Variants in CTNNA3 observed in about 807,000 individuals in gnomAD.
CTNNA3 encodes catenin alpha 3, also known as catenin alpha-3.
Under a neutral mutation model 95.7 loss-of-function variants are expected in CTNNA3, and 76 were observed. The ratio of observed to expected loss-of-function variants is 0.79; its 90% CI spans 0.66 to 0.96. The LOEUF (loss-of-function observed/expected upper bound fraction) is 0.96. Among genes scored for constraint, CTNNA3 ranks in the 40% least tolerant of loss-of-function variants. CTNNA3 has a pLI of 0.00. For synonymous variants in CTNNA3, 431 were observed against 374.4 expected (o/e 1.15, Z -1.74); for missense variants, 1,191 against 1,089.8 (o/e 1.09, Z -1.31).
chr10:67,497,842 C>T (rs924984768), intron 5 of CTNNA3, among the ~76,000 whole-genome samples: 2 of 152,098 alleles, frequency 1.3e-5, no homozygotes, highest in Non-Finnish European at 2.9e-5. Flanking sequence ...GGCCCTTTGT[C>T]AGATGGATAG....
intron 1 of CTNNA3, among the ~76,000 whole-genome samples, chr10:67,703,665 T>C (rs1273820358): frequency 1.3e-5 from 2 of 152,182 alleles, no homozygotes; most frequent in Non-Finnish European, 2.9e-5. Flanking sequence ...CCACAGCCAA[T>C]ATCATACTGA....
intron 5 of CTNNA3, among the ~76,000 whole-genome samples, chr10:67,493,989 A>G (rs1838947270): frequency 6.6e-6 from 1 of 152,228 alleles, no homozygotes; most frequent in African/African-American, 2.4e-5. Flanking sequence ...GCAAAATACA[A>G]CTTCCTATAA....
rs544444985 is a variant in CTNNA3, at chr10:66,562,595, C to T, written c.1375-41822G>A. ...CTCGATTACTCAATATTTAAGACTA[C>T]ATTAAGTGATGTCAGGTAGATAAGA... On this transcript the variant is annotated intron_variant, in intron 10 of 17. Transcript: ENST00000433211. Among the ~76,000 whole-genome samples the T allele has an allele frequency of 2.0e-5, 3 of 152,226 alleles. No individual in the cohort carries two copies. The South Asian group carries it at 6.2e-4, about 32-fold the overall frequency.
intron 9 of CTNNA3, among the ~76,000 whole-genome samples, chr10:66,693,681 C>A (rs1466294807): frequency 2.0e-5 from 3 of 152,032 alleles, no homozygotes; most frequent in Non-Finnish European, 4.4e-5. Flanking sequence ...CCACACCACA[C>A]CTATTCCAAA....
At chr10:66,004,824 G>A (rs2078847473) in intron 15 of CTNNA3, among the ~76,000 whole-genome samples, 1 of 152,160 alleles carries the variant, frequency 6.6e-6, no homozygotes, top group South Asian at 2.1e-4. Context: ...CATCACTCCT[G>A]TATTACTTGT....
At chr10:67,134,711 G>A (rs1860209413) in intron 7 of CTNNA3, among the ~76,000 whole-genome samples, 1 of 152,140 alleles carries the variant, frequency 6.6e-6, no homozygotes, top group Non-Finnish European at 1.5e-5. Flanking sequence ...TTGTTTGCTA[G>A]TTTAGTGATA....
At chr10:67,265,041 C>T (rs746124755) in intron 5 of CTNNA3, among the ~76,000 whole-genome samples, 2 of 152,158 alleles carry the variant, frequency 1.3e-5, no homozygotes, top group African/African-American at 2.4e-5. Flanking sequence ...AAATATGCAA[C>T]CTAGCTTTGA....
At chr10:66,889,218 G>T (rs1007211679) in intron 7 of CTNNA3, among the ~76,000 whole-genome samples, 4 of 152,180 alleles carry the variant, frequency 2.6e-5, no homozygotes, top group Admixed American at 1.3e-4. Context: ...GCCAGAGCTT[G>T]GGTAGGAGAG....
intron 7 of CTNNA3, among the ~76,000 whole-genome samples, chr10:67,148,877 T>C (rs1044881331): frequency 1.3e-5 from 2 of 152,198 alleles, no homozygotes; most frequent in African/African-American, 4.8e-5. Context: ...AGTTTATACA[T>C]TTAAGCTAAA....
intron 14 of CTNNA3, among the ~76,000 whole-genome samples, chr10:66,090,518 A>C (rs958815117): frequency 6.6e-5 from 10 of 152,062 alleles, no homozygotes; most frequent in African/African-American, 2.4e-4. Flanking sequence ...CATTTTAAAA[A>C]TAAGTAAGCA....
At chr10:65,977,708 G>A (rs1460835579) in intron 16 of CTNNA3, among the ~76,000 whole-genome samples, 1 of 152,008 alleles carries the variant, frequency 6.6e-6, no homozygotes, top group Non-Finnish European at 1.5e-5. Flanking sequence ...CTTGAACCTG[G>A]GAGGCGGAGG....
chr10:66,178,844 C>A (rs2131850691), intron 13 of CTNNA3, among the ~76,000 whole-genome samples: 1 of 151,902 alleles, frequency 6.6e-6, no homozygotes, highest in African/African-American at 2.4e-5. Flanking sequence ...TAAATTAAAG[C>A]CACATGAAAT....
intron 11 of CTNNA3, among the ~76,000 whole-genome samples, chr10:66,457,652 T>C (rs922024605): frequency 1.6e-5 from 2 of 123,300 alleles, no homozygotes; most frequent in Admixed American, 7.3e-5. Flanking sequence ...AAAAAAAAAG[T>C]TTATGTTATA....
chr10:66,903,462 C>T (rs893009854), intron 7 of CTNNA3, among the ~76,000 whole-genome samples: 4 of 152,008 alleles, frequency 2.6e-5, no homozygotes, highest in Admixed American at 1.3e-4. Flanking sequence ...CTTTGAAAAC[C>T]GGCATAAGAA....
intron 5 of CTNNA3, among the ~76,000 whole-genome samples, chr10:67,392,606 C>T (rs10997630): frequency 0.1 from 15,597 of 152,192 alleles, 1,116 homozygotes; most frequent in Non-Finnish European, 0.17. Context: ...CGCATGCACA[C>T]GTATGTTTAT....
chr10:66,282,116 A>G (rs1314643205), intron 12 of CTNNA3, among the ~76,000 whole-genome samples: 1 of 151,860 alleles, frequency 6.6e-6, no homozygotes, highest in Non-Finnish European at 1.5e-5. Context: ...CTTTTGGGAT[A>G]ACAGAAACTT....
At chr10:66,721,406 A>G (rs905108479) in intron 9 of CTNNA3, among the ~76,000 whole-genome samples, 1 of 152,212 alleles carries the variant, frequency 6.6e-6, no homozygotes, top group Non-Finnish European at 1.5e-5. Flanking sequence ...ACTTATTAGT[A>G]TAGTAGTGCA....
At position 65,918,404 on chromosome 10, in the gene CTNNA3, T is replaced by C. The variant is rs986294950; in HGVS notation, c.*1926A>G. ...AAGAAAATTCCTCTCCCCACTAAAT[T>C]ATAAATTTATACTTCTATCTGGAAG... is the stretch of plus-strand genomic sequence containing the variant. On this transcript the variant is annotated 3_prime_UTR_variant, in exon 18 of 18. Coordinates refer to ENST00000433211, the MANE Select transcript of CTNNA3 (RefSeq NM_013266.4). The C allele has an allele frequency of 3.9e-5, 6 of 152,144 alleles. No homozygotes were observed. Among genetic ancestry groups the C allele is most frequent in the Non-Finnish European group, 8.8e-5 (6 of 68,018 alleles). The allele number at this position is 152,144 out of a possible 1,614,324, so 9.4% of individuals were successfully genotyped here. A position where few individuals can be genotyped will look rare whatever the true frequency, so the allele number is the denominator to read the frequency against.
intron 7 of CTNNA3, among the ~76,000 whole-genome samples, chr10:66,920,799 G>A (rs1209818337): frequency 6.6e-6 from 1 of 152,142 alleles, no homozygotes; most frequent in East Asian, 1.9e-4. Flanking sequence ...CAATAAAAAT[G>A]AACCATCTTT....
Sources: gnomAD v4.1 joint callset for allele counts (sites outside exome capture counted in the v4.1 genomes callset) on GRCh38, gnomAD v4.1.1 for gene constraint, MANE v1.5 for transcripts, NCBI Gene and HGNC (gene_info 2026-07-23, HGNC 2026-07-21) for gene names.